Variants in FFAR4 observed in about 807,000 individuals in gnomAD.
FFAR4 encodes the protein G-protein coupled receptor 120.
In FFAR4, 19 loss-of-function variants were observed where a neutral mutation model predicts 27.0. The observed-to-expected ratio is 0.70, with a 90% CI of 0.49 to 1.03. FFAR4 has a LOEUF of 1.03. FFAR4 is among the 50% of genes least tolerant of loss of function. The probability of loss-of-function intolerance (pLI) is 0.00; values close to 1 mark genes in which losing one functional copy is unlikely to be tolerated. For missense variants in FFAR4, 476 were observed against 479.0 expected (o/e 0.99, Z 0.06); for synonymous variants, 254 against 215.6 (o/e 1.18, Z -1.56).
Position 93,588,215 on chromosome 10 carries a change from A to C in FFAR4, c.*606A>C, listed in dbSNP as rs1360292827. ...ACTGTTCAGCAATCACATCTCCTAC[A>C]TATAAAGCCACACCATAGTGGTTTC... On this transcript the variant is annotated 3_prime_UTR_variant, in exon 3 of 3. Coordinates refer to ENST00000371481, the MANE Select transcript of FFAR4 (RefSeq NM_001195755.2). 1 of 152,388 alleles carries C rather than the reference A, an allele frequency of 6.6e-6. No individual in the cohort carries two copies. The highest frequency in any genetic ancestry group is 1.5e-5 in the Non-Finnish European group (1 of 68,230). 9.4% of individuals were successfully genotyped at this position (152,388 alleles called of 1,614,324 possible).
At chr10:93,572,181 G>T (rs2058135594) in intron 1 of FFAR4, among the ~76,000 whole-genome samples, 1 of 152,218 alleles carries the variant, frequency 6.6e-6, no homozygotes, top group African/African-American at 2.4e-5. Flanking sequence ...ACTCCAGACA[G>T]GGAAGGGGAT....
chr10:93,581,972 C>T (rs1014835315), intron 2 of FFAR4, among the ~76,000 whole-genome samples: 5 of 152,112 alleles, frequency 3.3e-5, no homozygotes, highest in East Asian at 1.9e-4. Context: ...TCCAAAACTG[C>T]GGCAACCACA....
intron 1 of FFAR4, among the ~76,000 whole-genome samples, chr10:93,571,228 G>C (rs2134541343): frequency 6.6e-6 from 1 of 152,312 alleles, no homozygotes; most frequent in South Asian, 2.1e-4. Context: ...TGGCTGGGCA[G>C]TGACCCACAT....
intron 2 of FFAR4, chr10:93,579,087 CT>C: frequency 7.1e-7 from 1 of 1,412,022 alleles, no homozygotes; most frequent in Non-Finnish European, 1.0e-6. Context: ...CCACCCACCT[CT>C]AAACAGCAGT....
intron 2 of FFAR4, among the ~76,000 whole-genome samples, chr10:93,583,575 T>A (rs1430880649): frequency 2.6e-5 from 4 of 152,224 alleles, no homozygotes; most frequent in African/African-American, 9.6e-5. Flanking sequence ...AGTTAAAGCC[T>A]GGGCAGAAGG....
rs966764728 is a variant in FFAR4 at position 93,567,158 on chromosome 10, C to T, written c.438C>T (p.Gly146=). 1.2e-6 allele frequency: 2 copies of T among 1,604,942 alleles called. No individual in the cohort carries two copies. Among genetic ancestry groups the T allele is most frequent in the Non-Finnish European group, 1.7e-6 (2 of 1,178,470 alleles). ...TGTGCATCGTGCACCTGCAGCGCGG[C>T]GTGCGGGGTCCTGGGCGGCGGGCGC... ...RMVCIVHLQR[G]VRGPGRRARA... is the part of the protein sequence containing the mutation. Residue 146 remains glycine, a synonymous_variant, in exon 1 of 3, where the codon GGC becomes GGT. Transcript: ENST00000371481.
At chr10:93,577,706 G>T (rs2058172525) in intron 2 of FFAR4, among the ~76,000 whole-genome samples, 1 of 152,218 alleles carries the variant, frequency 6.6e-6, no homozygotes, top group African/African-American at 2.4e-5. Context: ...TTTACATAGT[G>T]TTGACCATAT....
chr10:93,579,309 T>C, intron 2 of FFAR4: 1 of 963,084 alleles, frequency 1.0e-6, no homozygotes, highest in South Asian at 1.4e-5. Flanking sequence ...CCCGCTGCCG[T>C]TCTCACCTTC....
intron 1 of FFAR4, among the ~76,000 whole-genome samples, chr10:93,575,669 GAT>G (rs1016858849): frequency 2.0e-5 from 3 of 152,176 alleles, no homozygotes; most frequent in Admixed American, 6.5e-5. Flanking sequence ...TTCCTGTTTT[GAT>G]ATGTTTGTTA....
chr10:93,587,597 T>A lies in FFAR4; in HGVS notation c.1074T>A (p.Ile358=). The A allele has an allele frequency of 6.2e-7, 1 of 1,611,072 alleles. No individual in the cohort carries two copies. The highest frequency in any genetic ancestry group is 1.1e-5 in the South Asian group (1 of 90,980). The part of the protein sequence containing the change: ...DTSVKRNDLS[I]ISG ...CTGTCAAAAGAAATGACTTGTCGAT[T>A]ATTTCTGGCTAATTTTTCTTTATAG... Residue 358 remains isoleucine, a synonymous_variant, in exon 3 of 3, where the codon ATT becomes ATA. Transcript: ENST00000371481.
At chr10:93,571,777 C>T (rs1020910542) in intron 1 of FFAR4, among the ~76,000 whole-genome samples, 1 of 152,148 alleles carries the variant, frequency 6.6e-6, no homozygotes, top group Non-Finnish European at 1.5e-5. Flanking sequence ...GATGAAATAT[C>T]CAACTAGGAC....
chr10:93,570,159 A>ATC (rs1042203948), intron 1 of FFAR4, among the ~76,000 whole-genome samples: 3 of 148,250 alleles, frequency 2.0e-5, no homozygotes, highest in South Asian at 4.3e-4. Context: ...CATCCACCTC[A>ATC]TCTCTCTCTC....
chr10:93,578,437 A>AG, intron 2 of FFAR4, among the ~76,000 whole-genome samples: 1 of 151,822 alleles, frequency 6.6e-6, no homozygotes, highest in East Asian at 1.9e-4. Flanking sequence ...AAAAAAAAAA[A>AG]AAAACGAGAA....
chr10:93,580,689 C>A (rs1488077154), intron 2 of FFAR4, among the ~76,000 whole-genome samples: 1 of 152,176 alleles, frequency 6.6e-6, no homozygotes, highest in Non-Finnish European at 1.5e-5. Context: ...TTTTTGGAAA[C>A]CCTGCTCTAA....
At chr10:93,579,964 A>T (rs561026176) in intron 2 of FFAR4, among the ~76,000 whole-genome samples, 42 of 152,376 alleles carry the variant, frequency 2.8e-4, no homozygotes, top group African/African-American at 1.0e-3. Context: ...TCACAATTTT[A>T]ATCCAAATAT....
intron 1 of FFAR4, among the ~76,000 whole-genome samples, chr10:93,572,847 G>T (rs1022884772): frequency 3.9e-5 from 6 of 152,220 alleles, no homozygotes; most frequent in African/African-American, 1.4e-4. Flanking sequence ...AGAGTAGATT[G>T]GAGCTTTACC....
At chr10:93,578,527 C>T (rs763939832) in intron 2 of FFAR4, among the ~76,000 whole-genome samples, 16 of 151,894 alleles carry the variant, frequency 1.1e-4, no homozygotes, top group Admixed American at 2.6e-4. Context: ...GAATCTGCCA[C>T]TTACTTGCTG....
intron 2 of FFAR4, among the ~76,000 whole-genome samples, chr10:93,580,754 G>A (rs933487319): frequency 3.3e-5 from 5 of 152,010 alleles, no homozygotes; most frequent in Non-Finnish European, 5.9e-5. Flanking sequence ...AGCAGGCTTC[G>A]CCCTGGCTCT....
At position 93,587,643 on chromosome 10, in the gene FFAR4, G is replaced by A. The variant is rs372366103; in HGVS notation, c.*34G>A. On this transcript the variant is annotated 3_prime_UTR_variant, in exon 3 of 3. Coordinates refer to ENST00000371481, the MANE Select transcript of FFAR4 (RefSeq NM_001195755.2). ...TATAGCCGAGTTTCTCACACCTGGCGAGCTGTGGCATGCTTTTAAACAGAG... is the reference window on the plus strand; with the variant it reads ...TATAGCCGAGTTTCTCACACCTGGCAAGCTGTGGCATGCTTTTAAACAGAG... 4.6e-5 allele frequency: 73 copies of A among 1,588,890 alleles called. No homozygotes were observed. The highest frequency in any genetic ancestry group is 6.7e-5 in the African/African-American group (5 of 74,340).
Sources: gnomAD v4.1 joint callset for allele counts (sites outside exome capture counted in the v4.1 genomes callset) on GRCh38, gnomAD v4.1.1 for gene constraint, MANE v1.5 for transcripts, NCBI Gene and HGNC (gene_info 2026-07-23, HGNC 2026-07-21) for gene names.